The following GRIK2 variants were observed in gnomAD, a reference collection of about 807,000 sequenced individuals.
The protein encoded by GRIK2 is glutamate ionotropic receptor kainate type subunit 2.
In GRIK2, 32 loss-of-function variants were observed where a neutral mutation model predicts 100.3. The ratio of observed to expected loss-of-function variants is 0.32; its 90% confidence interval spans 0.24 to 0.43. The LOEUF (loss-of-function observed/expected upper bound fraction) is 0.43, where lower values mean the gene tolerates loss of function less well. Ranked by LOEUF, GRIK2 falls within the 20% of genes least tolerant of loss-of-function variation. GRIK2 has a pLI of 1.00. For synonymous variants in GRIK2, 417 were observed against 389.4 expected (o/e 1.07, Z -0.83); for missense variants, 843 against 1,114.9 (o/e 0.76, Z 3.47).
intron 2 of GRIK2, among the ~76,000 whole-genome samples, chr6:101,424,956 C>T (rs1374003534): frequency 6.6e-6 from 1 of 152,110 alleles, no homozygotes; most frequent in Non-Finnish European, 1.5e-5. Context: ...TTTCTTAATC[C>T]AGTCTATCAT....
intron 2 of GRIK2, among the ~76,000 whole-genome samples, chr6:101,475,356 C>T (rs900454045): frequency 3.3e-5 from 5 of 151,478 alleles, no homozygotes; most frequent in Non-Finnish European, 4.4e-5. Context: ...CAGAGTCCAC[C>T]GAAATGATGG....
At chr6:101,528,291 A>T (rs1215785355) in intron 2 of GRIK2, among the ~76,000 whole-genome samples, 1 of 152,112 alleles carries the variant, frequency 6.6e-6, no homozygotes, top group Non-Finnish European at 1.5e-5. Flanking sequence ...TTTAGAAGTT[A>T]TGTATACTCT....
At chr6:102,047,690 A>C (rs1184303747) in intron 15 of GRIK2, among the ~76,000 whole-genome samples, 1 of 151,986 alleles carries the variant, frequency 6.6e-6, no homozygotes, top group Admixed American at 6.6e-5. Context: ...CAGAGGTTGC[A>C]GTGAGCCAAG....
rs569820832 is a variant in GRIK2 at position 101,450,847 on chromosome 6, G to T, written c.115+51455G>T. Reference sequence around the variant, plus strand: ...AAGAAACTGAGGGAGTAGAGTAAGAGATTTATTTTTTGTGTGTGTTTAGCT... The same window carrying T: ...AAGAAACTGAGGGAGTAGAGTAAGATATTTATTTTTTGTGTGTGTTTAGCT... On this transcript the variant is annotated intron_variant, in intron 2 of 16. Coordinates refer to ENST00000369134, the MANE Select transcript of GRIK2 (RefSeq NM_021956.5). Among the ~76,000 whole-genome samples the T allele has an allele frequency of 9.2e-5, 14 of 151,872 alleles. No homozygotes were observed. In the East Asian group the frequency reaches 2.7e-3, roughly 29 times the overall value.
chr6:101,869,414 C>T (rs1785247337), intron 11 of GRIK2, among the ~76,000 whole-genome samples: 1 of 151,816 alleles, frequency 6.6e-6, no homozygotes, highest in South Asian at 2.1e-4. Context: ...AAATCATGTG[C>T]CTTCATCCAT....
At chr6:102,010,677 C>T (rs1257573972) in intron 14 of GRIK2, among the ~76,000 whole-genome samples, 3 of 151,816 alleles carry the variant, frequency 2.0e-5, no homozygotes, top group South Asian at 2.1e-4. Flanking sequence ...GACACTGCAC[C>T]GGGCCCCCTC....
intron 14 of GRIK2, among the ~76,000 whole-genome samples, chr6:102,016,576 A>T (rs1232859361): frequency 1.3e-5 from 2 of 151,522 alleles, no homozygotes; most frequent in East Asian, 1.9e-4. Context: ...AAAAAATTTA[A>T]AAAAAAATGA....
chr6:101,948,594 T>C (rs990903258), intron 14 of GRIK2, among the ~76,000 whole-genome samples: 1 of 150,294 alleles, frequency 6.7e-6, no homozygotes, highest in African/African-American at 2.4e-5. Flanking sequence ...ACAATATATA[T>C]GCAAGCAGAT....
chr6:101,662,831 G>C (rs550339902), intron 4 of GRIK2, among the ~76,000 whole-genome samples: 3 of 152,012 alleles, frequency 2.0e-5, no homozygotes, highest in South Asian at 4.1e-4. Context: ...CTCACAGGTG[G>C]TGAACATATA....
At chr6:101,652,295 A>G (rs1055776694) in intron 4 of GRIK2, among the ~76,000 whole-genome samples, 9 of 152,112 alleles carry the variant, frequency 5.9e-5, no homozygotes, top group African/African-American at 2.2e-4. Context: ...TAGTGTCCTT[A>G]CCATAAGAGG....
Position 101,731,861 on chromosome 6 carries a change from A to G in GRIK2, c.951+45508A>G, listed in dbSNP as rs1178602303. Among the ~76,000 whole-genome samples, 7 of 152,154 alleles carry G rather than the reference A, an allele frequency of 4.6e-5. No individual in the cohort carries two copies. In the East Asian group the frequency reaches 1.4e-3, roughly 29 times the overall value. On this transcript the variant is annotated intron_variant, in intron 7 of 16. Coordinates refer to ENST00000369134, the MANE Select transcript of GRIK2 (RefSeq NM_021956.5). ...TACAGAATCTTAAACTGTATCCCAT[A>G]GAACCATAATCTTGGCCTGCCAAGA...
At chr6:101,872,105 G>A (rs1002703042) in intron 11 of GRIK2, among the ~76,000 whole-genome samples, 1 of 151,784 alleles carries the variant, frequency 6.6e-6, no homozygotes, top group Non-Finnish European at 1.5e-5. Flanking sequence ...ATCTCAATGT[G>A]GTTTTCATAA....
rs199743196 is a variant in GRIK2 at position 101,933,992 on chromosome 6, G to GTC, written c.2085+5369_2085+5370dup. ...TTTCTCTTTCTTTCTTGTTTTCTCTGTCTCTCTCTCCCTTTCTTTTTTTTT... is the reference window on the plus strand; with the variant it reads ...TTTCTCTTTCTTTCTTGTTTTCTCTGTCTCTCTCTCTCCCTTTCTTTTTTTTT... On this transcript the variant is annotated intron_variant, in intron 14 of 16. Coordinates refer to ENST00000369134, the MANE Select transcript of GRIK2 (RefSeq NM_021956.5). Among the ~76,000 whole-genome samples the GTC allele has an allele frequency of 5.3e-3, 805 of 151,688 alleles. 4 individuals are homozygous for GTC. The highest frequency in any genetic ancestry group is 0.018 in the African/African-American group (756 of 41,416).
chr6:101,783,021 T>C (rs1779196034), intron 7 of GRIK2, among the ~76,000 whole-genome samples: 1 of 151,978 alleles, frequency 6.6e-6, no homozygotes, highest in Non-Finnish European at 1.5e-5. Context: ...CATGCCCGGC[T>C]AATTTTTTTT....
intron 2 of GRIK2, among the ~76,000 whole-genome samples, chr6:101,510,331 C>T (rs1454454993): frequency 6.6e-6 from 1 of 151,880 alleles, no homozygotes; most frequent in African/African-American, 2.4e-5. Flanking sequence ...GGTATGATGG[C>T]GATTTTCTCA....
At chr6:101,742,533 A>G (rs1039979142) in intron 7 of GRIK2, among the ~76,000 whole-genome samples, 1 of 152,172 alleles carries the variant, frequency 6.6e-6, no homozygotes, top group East Asian at 1.9e-4. Flanking sequence ...TTGGTTTTAT[A>G]CATTTTAAGG....
At chr6:101,457,246 AC>A (rs1282862782) in intron 2 of GRIK2, among the ~76,000 whole-genome samples, 8 of 152,276 alleles carry the variant, frequency 5.3e-5, no homozygotes, top group African/African-American at 1.9e-4. Flanking sequence ...AATATTATAA[AC>A]TAGGTAATTG....
rs554066981 is a variant in GRIK2, at chr6:101,907,950, C to T, written c.1749-16651C>T. 3.3e-5 allele frequency among the ~76,000 whole-genome samples: 5 copies of T among 151,608 alleles called. No individual in the cohort carries two copies. The South Asian group carries it at 1.0e-3, about 31-fold the overall frequency. On this transcript the variant is annotated intron_variant, in intron 12 of 16. Coordinates refer to ENST00000369134, the MANE Select transcript of GRIK2 (RefSeq NM_021956.5). ...GGGTCTTTGGAATTTTCTTCCTCCT[C>T]TCCCCTTTTATCTTCCTCCTCCTTC...
At chr6:101,607,097 CT>C (rs1476688669) in intron 2 of GRIK2, among the ~76,000 whole-genome samples, 4 of 151,988 alleles carry the variant, frequency 2.6e-5, no homozygotes, top group African/African-American at 9.7e-5. Context: ...CTGCCTTCAA[CT>C]AGGTCACACT....
Sources: gnomAD v4.1 joint callset for allele counts (sites outside exome capture counted in the v4.1 genomes callset) on GRCh38, gnomAD v4.1.1 for gene constraint, MANE v1.5 for transcripts, NCBI Gene and HGNC (gene_info 2026-07-23, HGNC 2026-07-21) for gene names.